Variants in HS2ST1 observed in about 807,000 individuals in gnomAD.
HS2ST1 encodes the protein heparan sulfate 2-O-sulfotransferase 1.
HS2ST1 carries 18 observed loss-of-function variants against 42.9 expected under a neutral mutation model. That is an observed-to-expected ratio of 0.42 (90% CI 0.29 to 0.62). HS2ST1 has a LOEUF of 0.62. HS2ST1 is among the 20% of genes least tolerant of loss of function. The pLI is 0.21. For missense variants in HS2ST1, 334 were observed against 433.8 expected (o/e 0.77, Z 2.04); for synonymous variants, 146 against 152.9 (o/e 0.95, Z 0.33).
intron 1 of HS2ST1, among the ~76,000 whole-genome samples, chr1:86,921,180 TTGG>T (rs1024699175): frequency 2.6e-5 from 4 of 152,116 alleles, no homozygotes; most frequent in African/African-American, 9.7e-5. Context: ...TAGATGTCGG[TTGG>T]TAGTATTGTT....
At chr1:87,032,651 T>G (rs1275976759) in intron 1 of HS2ST1, among the ~76,000 whole-genome samples, 1 of 152,190 alleles carries the variant, frequency 6.6e-6, no homozygotes, top group Non-Finnish European at 1.5e-5. Flanking sequence ...GAGATTAATT[T>G]ACAATGTAAT....
In HS2ST1 at chr1:87,106,412, A is replaced by G. The variant is rs1021782542; in HGVS notation, c.*1716A>G. On this transcript the variant is annotated 3_prime_UTR_variant, in exon 7 of 7. Coordinates refer to ENST00000370550, the MANE Select transcript of HS2ST1 (RefSeq NM_012262.4). ...AAAGCTGTTTCTGTTTTCATTTTAC[A>G]TTATTATTCAGAAATGGTAGCTATT... The G allele has an allele frequency of 3.9e-5, 6 of 152,094 alleles. No individual in the cohort carries two copies. The highest frequency in any genetic ancestry group is 9.6e-5 in the African/African-American group (4 of 41,456). 9.4% of individuals were successfully genotyped at this position (152,094 alleles called of 1,614,324 possible). A position where few individuals can be genotyped will look rare whatever the true frequency, so the allele number is the denominator to read the frequency against.
At chr1:87,085,703 A>ATGTT (rs1210297851) in intron 3 of HS2ST1, among the ~76,000 whole-genome samples, 4 of 152,226 alleles carry the variant, frequency 2.6e-5, no homozygotes, top group Non-Finnish European at 4.4e-5. Context: ...CTTGAATTGA[A>ATGTT]TGTTTGTTAC....
intron 1 of HS2ST1, among the ~76,000 whole-genome samples, chr1:87,059,284 C>G (rs1273171532): frequency 6.6e-6 from 1 of 152,176 alleles, no homozygotes; most frequent in African/African-American, 2.4e-5. Context: ...TATGCCTTCT[C>G]CAATTAGCCA....
At chr1:86,981,278 G>A (rs1351306974) in intron 1 of HS2ST1, among the ~76,000 whole-genome samples, 2 of 152,028 alleles carry the variant, frequency 1.3e-5, no homozygotes, top group Non-Finnish European at 2.9e-5. Context: ...ATTTGGGTTG[G>A]GATGCAAAGC....
chr1:87,058,365 C>T (rs562870955), intron 1 of HS2ST1, among the ~76,000 whole-genome samples: 2 of 151,850 alleles, frequency 1.3e-5, no homozygotes, highest in Admixed American at 1.3e-4. Flanking sequence ...GATTCTGCCT[C>T]TTTTTCACAA....
At chr1:86,961,386 G>T (rs72949707) in intron 1 of HS2ST1, among the ~76,000 whole-genome samples, 3,586 of 152,088 alleles carry the variant, frequency 0.024, 74 homozygotes, top group African/African-American at 0.049. Flanking sequence ...GTTTGAATAA[G>T]AATATATTGT....
At chr1:87,019,983 A>G (rs776129631) in intron 1 of HS2ST1, among the ~76,000 whole-genome samples, 1 of 152,194 alleles carries the variant, frequency 6.6e-6, no homozygotes, top group African/African-American at 2.4e-5. Flanking sequence ...CAGGGAGATT[A>G]TTGTATAAGT....
chr1:86,926,455 C>T (rs1304957314), intron 1 of HS2ST1, among the ~76,000 whole-genome samples: 1 of 152,168 alleles, frequency 6.6e-6, no homozygotes, highest in Non-Finnish European at 1.5e-5. Context: ...GTGCTATAGC[C>T]TAGAAACTCT....
rs1032175319 is a variant in HS2ST1, at chr1:87,075,578, C to T, written c.363+2406C>T. Among the ~76,000 whole-genome samples the T allele has an allele frequency of 5.3e-5, 8 of 152,246 alleles. No homozygotes were observed. The East Asian group carries it at 9.7e-4, about 18-fold the overall frequency. On this transcript the variant is annotated intron_variant, in intron 2 of 6. Transcript: ENST00000370550. ...TCTTAAATCTGTTGTCTCCAGCTTC[C>T]GTGTAAAGCTCAGTTTACTCATAAA...
chr1:86,915,443 C>A (rs1011155967), intron 1 of HS2ST1, among the ~76,000 whole-genome samples: 4 of 152,116 alleles, frequency 2.6e-5, no homozygotes, highest in African/African-American at 9.7e-5. Context: ...GGAGAGAGAG[C>A]GAGAGAGAAG....
At chr1:86,950,096 C>A (rs147279278) in intron 1 of HS2ST1, among the ~76,000 whole-genome samples, 2 of 152,154 alleles carry the variant, frequency 1.3e-5, no homozygotes, top group African/African-American at 4.8e-5. Context: ...GGATTGGATT[C>A]GGAGAAATCT....
intron 1 of HS2ST1, among the ~76,000 whole-genome samples, chr1:86,941,134 A>T (rs1003075988): frequency 1.3e-5 from 2 of 152,306 alleles, no homozygotes; most frequent in Middle Eastern, 3.4e-3. Context: ...ATAGTTACTG[A>T]TGTAGGCCAG....
intron 1 of HS2ST1, among the ~76,000 whole-genome samples, chr1:86,931,396 T>C (rs1472862746): frequency 6.6e-6 from 1 of 152,046 alleles, no homozygotes; most frequent in Non-Finnish European, 1.5e-5. Context: ...TGTTTTGTTT[T>C]TGTGGGTAGT....
Position 87,057,768 on chromosome 1 carries a change from G to A in HS2ST1, c.125-15166G>A, listed in dbSNP as rs530456960. ...CAGGAGGCTGAGGCAGGAGAATGGC[G>A]TGAACCCGGGAGGCGGAGCTTGCAG... On this transcript the variant is annotated intron_variant, in intron 1 of 6. Transcript: ENST00000370550. 1.1e-3 allele frequency among the ~76,000 whole-genome samples: 172 copies of A among 151,600 alleles called. 1 individual carries two copies. The highest frequency in any genetic ancestry group is 6.8e-3 in the Middle Eastern group (2 of 294).
chr1:86,960,111 T>C (rs1382757270), intron 1 of HS2ST1, among the ~76,000 whole-genome samples: 1 of 151,070 alleles, frequency 6.6e-6, no homozygotes, highest in African/African-American at 2.4e-5. Flanking sequence ...AGCGCATAGG[T>C]AGACCACGAA....
At chr1:87,035,255 A>C (rs1442092393) in intron 1 of HS2ST1, among the ~76,000 whole-genome samples, 1 of 152,222 alleles carries the variant, frequency 6.6e-6, no homozygotes, top group Non-Finnish European at 1.5e-5. Flanking sequence ...TTTTGTCGTC[A>C]TTTGTTACAG....
chr1:86,978,753 G>T (rs1002296228), intron 1 of HS2ST1, among the ~76,000 whole-genome samples: 1 of 151,722 alleles, frequency 6.6e-6, no homozygotes, highest in African/African-American at 2.4e-5. Context: ...TATATTGATA[G>T]TGGTAAAATA....
intron 1 of HS2ST1, among the ~76,000 whole-genome samples, chr1:87,044,598 G>C (rs1438748821): frequency 6.6e-6 from 1 of 152,100 alleles, no homozygotes; most frequent in Non-Finnish European, 1.5e-5. Flanking sequence ...TTTATAACCA[G>C]GTATCAACTT....
Sources: gnomAD v4.1 joint callset for allele counts (sites outside exome capture counted in the v4.1 genomes callset) on GRCh38, gnomAD v4.1.1 for gene constraint, MANE v1.5 for transcripts, NCBI Gene and HGNC (gene_info 2026-07-23, HGNC 2026-07-21) for gene names.